Variants in ITGA11 observed in about 807,000 individuals in gnomAD.
ITGA11 encodes the protein integrin subunit alpha 11.
A neutral mutation model predicts 141.9 loss-of-function variants in ITGA11; 97 were observed. The ratio of observed to expected loss-of-function variants is 0.68; its 90% CI spans 0.58 to 0.81. The LOEUF is 0.81. Among genes scored for constraint, ITGA11 ranks in the 30% least tolerant of loss-of-function variants. ITGA11 has a pLI of 0.00. For synonymous variants in ITGA11, 658 were observed against 624.6 expected, an observed-to-expected ratio of 1.05 and a Z score of -0.80; for missense variants, 1,387 against 1,559.2, an observed-to-expected ratio of 0.89 and a Z score of 1.86.
At chr15:68,430,596 G>T (rs1437153803) in intron 1 of ITGA11, among the ~76,000 whole-genome samples, 2 of 152,140 alleles carry the variant, frequency 1.3e-5, no homozygotes, top group Non-Finnish European at 2.9e-5. Flanking sequence ...CTTTTCTTGT[G>T]GCTGGATCTC....
At chr15:68,368,119 T>G (rs1350423900) in intron 3 of ITGA11, among the ~76,000 whole-genome samples, 1 of 152,166 alleles carries the variant, frequency 6.6e-6, no homozygotes, top group Non-Finnish European at 1.5e-5. Context: ...ATGCTGACCT[T>G]TTCATCCATC....
At position 68,402,953 on chromosome 15, in the gene ITGA11, G is replaced by A. The variant is rs1284866550; in HGVS notation, c.129C>T (p.Tyr43=). 2 of 1,613,800 alleles carry A rather than the reference G, an allele frequency of 1.2e-6. No individual in the cohort carries two copies. The highest frequency in any genetic ancestry group is 4.5e-5 in the East Asian group (2 of 44,876). The part of the protein sequence containing the change: ...IPGSRTAFFG[Y]TVQQHDISGN... The stretch of plus-strand genomic sequence containing the variant: ...CACTGATGTCGTGCTGCTGCACTGT[G>A]TAGCCAAAGAAGGCGGTCCTGGAGC... Residue 43 remains tyrosine (Y), a synonymous_variant, in exon 2 of 30, where the codon TAC becomes TAT. Coordinates refer to ENST00000315757, the MANE Select transcript of ITGA11 (RefSeq NM_001004439.2).
At chr15:68,398,188 A>C (rs1896369344) in intron 2 of ITGA11, among the ~76,000 whole-genome samples, 3 of 151,846 alleles carry the variant, frequency 2.0e-5, no homozygotes, top group Admixed American at 2.0e-4. Flanking sequence ...TAAATGCTCC[A>C]ATTAAAAGAC....
In ITGA11 at chr15:68,348,903, G is replaced by A; in HGVS notation, c.1061-3C>T. Reference sequence around the variant, plus strand: ...GGAGGTCTCGTTCTTGTTGGTGCCTGCAACAGAGTGACAGAGAGATGTCAG... The same window carrying A: ...GGAGGTCTCGTTCTTGTTGGTGCCTACAACAGAGTGACAGAGAGATGTCAG... On this transcript the variant is annotated splice_region_variant and splice_polypyrimidine_tract_variant and intron_variant, in intron 9 of 29. Transcript: ENST00000315757. The A allele has an allele frequency of 6.2e-7, 1 of 1,602,740 alleles. No homozygotes were observed. The highest frequency in any genetic ancestry group is 1.1e-5 in the South Asian group (1 of 88,672).
At position 68,313,638 on chromosome 15, in the gene ITGA11, G is replaced by A. The variant is rs1272088115; in HGVS notation, c.2882+141C>T. On this transcript the variant is annotated intron_variant, in intron 23 of 29. Coordinates refer to ENST00000315757, the MANE Select transcript of ITGA11 (RefSeq NM_001004439.2). The stretch of plus-strand genomic sequence containing the variant: ...GGTGCTGCACTCTCTGACCCACCAG[G>A]GACACTCTTGGCTCCATCCATAGTC... The A allele has an allele frequency of 7.8e-6, 5 of 640,574 alleles. No individual in the cohort carries two copies. In the East Asian group the frequency reaches 1.4e-4, roughly 18 times the overall value. The allele number at this position is 640,574 out of a possible 1,614,324, so 39.7% of individuals were successfully genotyped here. A position where few individuals can be genotyped will look rare whatever the true frequency, so the allele number is the denominator to read the frequency against.
chr15:68,431,894 G>T, intron 1 of ITGA11, 121 bp downstream of exon 1: 1 of 641,696 alleles, frequency 1.6e-6, no homozygotes. Flanking sequence ...ACGTCCCCAA[G>T]AGCAGCTGAG....
intron 4 of ITGA11, among the ~76,000 whole-genome samples, chr15:68,363,026 T>C (rs577644862): frequency 6.6e-6 from 1 of 151,946 alleles, no homozygotes; most frequent in Admixed American, 6.5e-5. Context: ...GATGATGAAT[T>C]GATGGGTGGA....
chr15:68,371,842 T>A (rs1217323643), intron 2 of ITGA11, among the ~76,000 whole-genome samples: 6 of 152,034 alleles, frequency 3.9e-5, no homozygotes. Flanking sequence ...TGGGACAATC[T>A]GGTAGTAAAT....
At chr15:68,396,010 A>G (rs1472835582) in intron 2 of ITGA11, among the ~76,000 whole-genome samples, 1 of 152,070 alleles carries the variant, frequency 6.6e-6, no homozygotes, top group Non-Finnish European at 1.5e-5. Flanking sequence ...GAGAATAGAA[A>G]AAAATGAAAA....
At chr15:68,408,843 G>T (rs1256153622) in intron 1 of ITGA11, among the ~76,000 whole-genome samples, 2 of 152,160 alleles carry the variant, frequency 1.3e-5, no homozygotes. Context: ...GAGAGGATGG[G>T]CTTTCAGTTC....
intron 2 of ITGA11, among the ~76,000 whole-genome samples, chr15:68,378,397 C>T (rs188257785): frequency 6.6e-6 from 1 of 152,268 alleles, no homozygotes; most frequent in Admixed American, 6.5e-5. Context: ...ATAATCCCAG[C>T]TACTAGGGAA....
At chr15:68,419,803 T>C (rs1328547548) in intron 1 of ITGA11, among the ~76,000 whole-genome samples, 1 of 152,230 alleles carries the variant, frequency 6.6e-6, no homozygotes, top group Non-Finnish European at 1.5e-5. Flanking sequence ...CCTCTCAGAA[T>C]TGCAGTCTCT....
intron 3 of ITGA11, among the ~76,000 whole-genome samples, chr15:68,366,405 C>T (rs1220245582): frequency 1.3e-5 from 2 of 152,090 alleles, no homozygotes; most frequent in South Asian, 2.1e-4. Context: ...CGTTTCATCC[C>T]GAGTTCTGTG....
chr15:68,344,253 C>T (rs1383475189), intron 10 of ITGA11, among the ~76,000 whole-genome samples: 1 of 152,092 alleles, frequency 6.6e-6, no homozygotes, highest in African/African-American at 2.4e-5. Context: ...GCCCGCCCAG[C>T]CTGGCAGGTG....
At chr15:68,346,677 C>G (rs1316395270) in intron 10 of ITGA11, among the ~76,000 whole-genome samples, 1 of 152,164 alleles carries the variant, frequency 6.6e-6, no homozygotes, top group African/African-American at 2.4e-5. Flanking sequence ...AGTGTGTGTC[C>G]ATAATGCTCT....
In ITGA11 at chr15:68,297,510, GTTTTGTT is replaced by G. The variant is rs1246659626; in HGVS notation, c.*5542_*5548del. ...ATCATACACCTGTATCCAGAGTTTTGTTTTGTTTTTTTTTTTAGGTTTTTCTTTTTAA... is the reference window on the plus strand; with the variant it reads ...ATCATACACCTGTATCCAGAGTTTTGTTTTTTTTTAGGTTTTTCTTTTTAA... On this transcript the variant is annotated 3_prime_UTR_variant, in exon 30 of 30. Transcript: ENST00000315757. 1.9e-5 allele frequency: 2 copies of G among 103,854 alleles called. No individual in the cohort carries two copies. The highest frequency in any genetic ancestry group is 6.4e-5 in the African/African-American group (2 of 31,116). 6.4% of individuals were successfully genotyped at this position (103,854 alleles called of 1,614,324 possible). A position where few individuals can be genotyped will look rare whatever the true frequency, so the allele number is the denominator to read the frequency against.
intron 2 of ITGA11, among the ~76,000 whole-genome samples, chr15:68,396,383 C>A (rs1896242024): frequency 1.3e-5 from 2 of 151,786 alleles, no homozygotes; most frequent in East Asian, 1.9e-4. Context: ...TTTAAAAAAA[C>A]CAACCTTAGA....
chr15:68,358,830 A>T (rs1447959756), intron 5 of ITGA11, among the ~76,000 whole-genome samples: 1 of 152,206 alleles, frequency 6.6e-6, no homozygotes, highest in Non-Finnish European at 1.5e-5. Flanking sequence ...GATCACTTCT[A>T]TTCCTAATCA....
intron 2 of ITGA11, among the ~76,000 whole-genome samples, chr15:68,372,645 G>C (rs1434139264): frequency 6.6e-6 from 1 of 152,228 alleles, no homozygotes; most frequent in Admixed American, 6.5e-5. Flanking sequence ...TGCCAAGAGA[G>C]GATGGTCCCT....
Sources: allele counts gnomAD v4.1 joint callset (sites outside exome capture counted in the v4.1 genomes callset), GRCh38; gene constraint gnomAD v4.1.1; transcripts MANE v1.5; gene names NCBI Gene and HGNC (gene_info 2026-07-23, HGNC 2026-07-21).